Variants in ZFP41 observed in about 807,000 individuals in gnomAD.
ZFP41 encodes the protein zinc finger protein 41 homolog.
A neutral mutation model predicts 11.6 loss-of-function variants in ZFP41; 10 were observed. The observed-to-expected ratio is 0.86, with a 90% confidence interval of 0.53 to 1.47. ZFP41 has a LOEUF of 1.47. Ranked by LOEUF, ZFP41 falls within the 40% of genes most tolerant of loss-of-function variation. The probability of loss-of-function intolerance (pLI) is 0.00; values close to 1 mark genes in which losing one functional copy is unlikely to be tolerated. For missense variants in ZFP41, 302 were observed against 264.6 expected, an observed-to-expected ratio of 1.14 and a Z score of -0.98; for synonymous variants, 123 against 100.9, an observed-to-expected ratio of 1.22 and a Z score of -1.31.
chr8:143,250,772 A>T lies in ZFP41; in HGVS notation c.*332A>T. On this transcript the variant is annotated 3_prime_UTR_variant, in exon 2 of 3. Transcript: ENST00000330701. The stretch of plus-strand genomic sequence containing the variant: ...GGGAGTATTCACTGCCATCCATTGG[A>T]CGTGTTTGGGTCACCTCAGAGCACC... 3 of 368,910 alleles carry T rather than the reference A, an allele frequency of 8.1e-6. No individual in the cohort carries two copies. The highest frequency in any genetic ancestry group is 1.6e-5 in the Non-Finnish European group (3 of 190,306). 22.9% of individuals were successfully genotyped at this position (368,910 alleles called of 1,614,324 possible).
chr8:143,262,348 A>G lies in ZFP41; in HGVS notation c.*3474A>G, dbSNP rs1190051169. 1.3e-5 allele frequency: 2 copies of G among 153,452 alleles called. No homozygotes were observed. The highest frequency in any genetic ancestry group is 4.8e-5 in the African/African-American group (2 of 41,462). 9.5% of individuals were successfully genotyped at this position (153,452 alleles called of 1,614,324 possible). A position where few individuals can be genotyped will look rare whatever the true frequency, so the allele number is the denominator to read the frequency against. ...GCATGTGCAGCCGCCGCCGCCACCCATGTACTGTGGCGCTGACCCCTCCTG... is the reference window on the plus strand; with the variant it reads ...GCATGTGCAGCCGCCGCCGCCACCCGTGTACTGTGGCGCTGACCCCTCCTG... On this transcript the variant is annotated 3_prime_UTR_variant, in exon 3 of 3. Coordinates refer to ENST00000330701, the MANE Select transcript of ZFP41 (RefSeq NM_173832.6).
intron 2 of ZFP41, among the ~76,000 whole-genome samples, chr8:143,255,178 G>T (rs557994396): frequency 2.0e-5 from 3 of 152,272 alleles, no homozygotes; most frequent in African/African-American, 7.2e-5. Flanking sequence ...TTTCTAGGAC[G>T]CACGTAGTGG....
rs773702735 is a variant in ZFP41, at chr8:143,250,196, C to T, written c.353C>T (p.Ala118Val). Residue 118 changes from alanine (A) to valine (V), a missense_variant, in exon 2 of 3, where the codon GCG becomes GTG. Physicochemically the swap from Ala to Val is moderately conservative, Grantham distance 64 (BLOSUM62 0). Coordinates refer to ENST00000330701, the MANE Select transcript of ZFP41 (RefSeq NM_173832.6). ...ACTGGAGAGAAGCCCTTCAAGTGTG[C>T]GCAGTGCGGGAAGGCCTTCCGGCAC... is the stretch of plus-strand genomic sequence containing the variant. ...VHTGEKPFKC[A>V]QCGKAFRHSS... is the part of the protein sequence containing the mutation. The T allele has an allele frequency of 1.5e-5, 24 of 1,613,760 alleles. 1 individual carries two copies. Among genetic ancestry groups the T allele is most frequent in the East Asian group, 2.2e-5 (1 of 44,868 alleles).
chr8:143,258,954 G>A (rs567946425), intron 2 of ZFP41, among the ~76,000 whole-genome samples: 12 of 152,198 alleles, frequency 7.9e-5, no homozygotes, highest in African/African-American at 1.4e-4. Context: ...GCAGCCTGGC[G>A]TTTTCTGGCA....
chr8:143,251,995 T>A (rs1814775075), intron 2 of ZFP41, among the ~76,000 whole-genome samples: 1 of 152,264 alleles, frequency 6.6e-6, no homozygotes, highest in Admixed American at 6.5e-5. Context: ...GGGTCCTGAG[T>A]GCTGCCACTT....
chr8:143,260,640 T>C lies in ZFP41; in HGVS notation c.*1766T>C. 3 of 184,416 alleles carry C rather than the reference T, an allele frequency of 1.6e-5. No individual in the cohort carries two copies. Among genetic ancestry groups the C allele is most frequent in the Non-Finnish European group, 1.2e-5 (1 of 86,666 alleles). 11.4% of individuals were successfully genotyped at this position (184,416 alleles called of 1,614,324 possible). On this transcript the variant is annotated 3_prime_UTR_variant, in exon 3 of 3. Transcript: ENST00000330701. ...CGCCCTGACCAGCAGACACCATCCT[T>C]CCAGCCTCTCTTGGCCACCCGGACC...
chr8:143,255,413 G>A (rs1814882231), intron 2 of ZFP41, among the ~76,000 whole-genome samples: 1 of 152,086 alleles, frequency 6.6e-6, no homozygotes, highest in South Asian at 2.1e-4. Flanking sequence ...GTGTTAGTGA[G>A]ATCAGAGCTC....
intron 2 of ZFP41, among the ~76,000 whole-genome samples, chr8:143,254,295 A>G (rs1312550383): frequency 6.6e-6 from 1 of 152,208 alleles, no homozygotes; most frequent in East Asian, 1.9e-4. Flanking sequence ...CCTTTATAGT[A>G]ACACACAATG....
chr8:143,250,422 C>T lies in ZFP41; in HGVS notation c.579C>T (p.His193=). 6.2e-7 allele frequency: 1 copy of T among 1,611,102 alleles called. No homozygotes were observed. Among genetic ancestry groups the T allele is most frequent in the Non-Finnish European group, 8.5e-7 (1 of 1,178,132 alleles). ...SSCLIRHQKR[H]PRKKP is the part of the protein sequence containing the mutation. ...GTCTCATCCGCCATCAGAAACGCCA[C>T]CCTCGGAAGAAGCCCTGAGCCGGGG... Residue 193 remains histidine, a synonymous_variant, in exon 2 of 3, where the codon CAC becomes CAT. Transcript: ENST00000330701.
chr8:143,249,600 A>T (rs1816756518), intron 1 of ZFP41, 90 bp from the exon 2 acceptor site: 1 of 483,040 alleles, frequency 2.1e-6, no homozygotes. Flanking sequence ...TCTTGGGGGA[A>T]CACATGGGAA....
intron 2 of ZFP41, among the ~76,000 whole-genome samples, chr8:143,254,787 C>T (rs911362367): frequency 2.6e-5 from 4 of 152,020 alleles, no homozygotes; most frequent in African/African-American, 4.8e-5. Flanking sequence ...CACGCACCAC[C>T]ACGCCCAGCT....
chr8:143,259,084 G>A (rs1309204634), intron 2 of ZFP41, among the ~76,000 whole-genome samples: 2 of 152,230 alleles, frequency 1.3e-5, no homozygotes, highest in East Asian at 3.8e-4. Context: ...CAGGAAAGCC[G>A]GAAAGAACCC....
At chr8:143,247,501 C>G (rs960231548) in intron 1 of ZFP41, 3 of 152,320 alleles carry the variant, frequency 2.0e-5, no homozygotes, top group African/African-American at 7.2e-5. Context: ...GTTCCAGTCT[C>G]TCCATGAGAC....
chr8:143,248,902 A>G (rs1816741762), intron 1 of ZFP41, among the ~76,000 whole-genome samples: 1 of 152,250 alleles, frequency 6.6e-6, no homozygotes, highest in Admixed American at 6.5e-5. Context: ...TTGTTGAGAT[A>G]GGAAATCTGT....
In ZFP41 at chr8:143,251,956, C is replaced by T. The variant is rs371115793; in HGVS notation, c.*900+616C>T. Among the ~76,000 whole-genome samples the T allele has an allele frequency of 4.6e-3, 697 of 152,304 alleles. 6 individuals are homozygous for T. The highest frequency in any genetic ancestry group is 0.016 in the African/African-American group (660 of 41,560). ...TCTCCCGGCTGCTCCTGCTGCTGGC[C>T]TGGACAGAGGAGCCTGTTCCATGGC... On this transcript the variant is annotated intron_variant, in intron 2 of 2. Coordinates refer to ENST00000330701, the MANE Select transcript of ZFP41 (RefSeq NM_173832.6).
At chr8:143,255,463 G>A (rs7387080) in intron 2 of ZFP41, among the ~76,000 whole-genome samples, 49,977 of 136,904 alleles carry the variant, frequency 0.37, 11,382 homozygotes, top group East Asian at 0.68. Context: ...GGCTCACCCC[G>A]CGTCTAGTGT....
At chr8:143,252,949 C>G (rs927483230) in intron 2 of ZFP41, 2 of 152,264 alleles carry the variant, frequency 1.3e-5, no homozygotes, top group Non-Finnish European at 2.9e-5. Flanking sequence ...CCCGGTATGT[C>G]CTGAGGCTGG....
chr8:143,254,833 A>G (rs1204263688), intron 2 of ZFP41, among the ~76,000 whole-genome samples: 4 of 152,040 alleles, frequency 2.6e-5, no homozygotes, highest in East Asian at 1.9e-4. Flanking sequence ...GGGTTTCACC[A>G]TGTTGGCCAG....
In ZFP41 at chr8:143,250,648, C is replaced by G. The variant is rs964596974; in HGVS notation, c.*208C>G. 2 of 775,488 alleles carry G rather than the reference C, an allele frequency of 2.6e-6. No homozygotes were observed. Among genetic ancestry groups the G allele is most frequent in the African/African-American group, 3.5e-5 (2 of 56,760 alleles). 48.0% of individuals were successfully genotyped at this position (775,488 alleles called of 1,614,324 possible). ...TTCCACTGCAGAGAGTCTCTCTGAT[C>G]AAGACACCGCAGTGATGGAGAAGCC... is the stretch of plus-strand genomic sequence containing the variant. On this transcript the variant is annotated 3_prime_UTR_variant, in exon 2 of 3. Transcript: ENST00000330701.
Sources: allele counts gnomAD v4.1 joint callset (sites outside exome capture counted in the v4.1 genomes callset), GRCh38; gene constraint gnomAD v4.1.1; transcripts MANE v1.5; gene names NCBI Gene and HGNC (gene_info 2026-07-23, HGNC 2026-07-21).